Variants in SUSD1 observed in about 807,000 individuals in gnomAD.
The protein encoded by SUSD1 is sushi domain containing 1, also known as sushi domain-containing protein 1.
Under a neutral mutation model 86.9 loss-of-function variants are expected in SUSD1, and 65 were observed. The ratio of observed to expected loss-of-function variants is 0.75; its 90% confidence interval spans 0.61 to 0.92. The LOEUF (loss-of-function observed/expected upper bound fraction) is 0.92. Ranked by LOEUF, SUSD1 falls within the 40% of genes least tolerant of loss-of-function variation. The probability of loss-of-function intolerance (pLI) is 0.00; values close to 1 mark genes in which losing one functional copy is unlikely to be tolerated. For missense variants in SUSD1, 850 were observed against 929.7 expected (o/e 0.91, Z 1.11); for synonymous variants, 346 against 350.0 (o/e 0.99, Z 0.13).
At chr9:112,138,096 C>T (rs1026548538) in intron 5 of SUSD1, among the ~76,000 whole-genome samples, 53 of 149,092 alleles carry the variant, frequency 3.6e-4, no homozygotes, top group African/African-American at 1.3e-3. Context: ...TGGTGGCAGA[C>T]ACCTGTAATC....
At position 112,142,378 on chromosome 9, in the gene SUSD1, A is replaced by G; in HGVS notation, c.648T>C (p.Asp216=). 6.2e-7 allele frequency: 1 copy of G among 1,614,070 alleles called. No individual in the cohort carries two copies. Among genetic ancestry groups the G allele is most frequent in the East Asian group, 2.2e-5 (1 of 44,878 alleles). Residue 216 remains aspartate (D), a synonymous_variant, in exon 5 of 17, where the codon GAT becomes GAC. Coordinates refer to ENST00000374270, the MANE Select transcript of SUSD1 (RefSeq NM_022486.5). ...CCAGGCCTGTGCAGCTTGAAACTGT[A>G]TCTTCTGGAACACTGAAGAATCCTT... ...CREGFFSVPE[D]TVSSCTGLGT...
intron 12 of SUSD1, among the ~76,000 whole-genome samples, chr9:112,070,977 T>C (rs961656184): frequency 6.6e-6 from 1 of 152,002 alleles, no homozygotes; most frequent in Non-Finnish European, 1.5e-5. Flanking sequence ...TGGTTTTGTT[T>C]TGGTTTTGTT....
intron 6 of SUSD1, among the ~76,000 whole-genome samples, chr9:112,121,141 T>C (rs1322490538): frequency 6.6e-6 from 1 of 152,174 alleles, no homozygotes; most frequent in Non-Finnish European, 1.5e-5. Flanking sequence ...TTGCCCTTGC[T>C]CCTCTGTGCA....
At chr9:112,144,244 A>G (rs1014013171) in intron 3 of SUSD1, among the ~76,000 whole-genome samples, 16 of 150,730 alleles carry the variant, frequency 1.1e-4, no homozygotes, top group African/African-American at 3.7e-4. Flanking sequence ...GTCTCAAAGA[A>G]AAAAAAAAAG....
intron 6 of SUSD1, among the ~76,000 whole-genome samples, chr9:112,123,071 C>T (rs946969478): frequency 1.3e-5 from 2 of 152,272 alleles, no homozygotes; most frequent in South Asian, 4.1e-4. Context: ...CACTACTGAA[C>T]TGCACACTTA....
intron 12 of SUSD1, among the ~76,000 whole-genome samples, chr9:112,077,245 G>A (rs368459822): frequency 2.6e-5 from 4 of 152,242 alleles, no homozygotes; most frequent in Non-Finnish European, 5.9e-5. Context: ...CCTTACACAC[G>A]AGCAGGGACA....
chr9:112,141,719 G>T (rs1832573750), intron 5 of SUSD1, among the ~76,000 whole-genome samples: 3 of 140,396 alleles, frequency 2.1e-5, no homozygotes, highest in Non-Finnish European at 3.0e-5. Context: ...TATATTACAT[G>T]TAATGTATTA....
intron 10 of SUSD1, among the ~76,000 whole-genome samples, chr9:112,089,672 C>T (rs908385978): frequency 5.9e-5 from 9 of 151,874 alleles, no homozygotes; most frequent in South Asian, 2.1e-4. Context: ...ATTAGCTGGG[C>T]GTGGTGGTAC....
intron 5 of SUSD1, 148 bp downstream of exon 5, chr9:112,142,172 G>T: frequency 1.5e-6 from 1 of 646,168 alleles, no homozygotes; most frequent in Admixed American, 3.4e-5. Context: ...GAAAAATCAA[G>T]AAAATCACCT....
In SUSD1 at chr9:112,078,565, C is replaced by A; in HGVS notation, c.1726G>T (p.Val576Phe). 1 of 1,613,024 alleles carries A rather than the reference C, an allele frequency of 6.2e-7. No individual in the cohort carries two copies. The change falls in exon 12 of 17, where the codon GTC (valine) becomes TTC (phenylalanine). Residue 576 changes from valine (V) to phenylalanine (F), a missense_variant. Physicochemically the swap from Val to Phe is conservative, Grantham distance 50 (BLOSUM62 -1). Coordinates refer to ENST00000374270, the MANE Select transcript of SUSD1 (RefSeq NM_022486.5). The stretch of plus-strand genomic sequence containing the variant: ...GTTATCTGGGTTGTCAGGGAGATGA[C>A]CACAGGAAGTTCCGAAGACAGAGCC... ...LRALSSELPV[V>F]ISLTTQITEP...
chr9:112,118,355 A>G (rs969067947), intron 6 of SUSD1, among the ~76,000 whole-genome samples: 1 of 152,208 alleles, frequency 6.6e-6, no homozygotes, highest in African/African-American at 2.4e-5. Flanking sequence ...TGGCTATAAA[A>G]GTTTTCATGT....
Position 112,089,789 on chromosome 9 carries a change from G to A in SUSD1, c.1474+8681C>T, listed in dbSNP as rs1369588248. Among the ~76,000 whole-genome samples, 15 of 142,032 alleles carry A rather than the reference G, an allele frequency of 1.1e-4. No individual in the cohort carries two copies. The Admixed American group carries it at 1.1e-3, about 11-fold the overall frequency. The allele number at this position is 142,032 out of a possible 152,430, so 93.2% of individuals were successfully genotyped here. On this transcript the variant is annotated intron_variant, in intron 10 of 16. Coordinates refer to ENST00000374270, the MANE Select transcript of SUSD1 (RefSeq NM_022486.5). ...ATCGCGCCACTGCACTCCAGCCTGG[G>A]TGACAGAGCAAGATTCCATCTCAAA...
At chr9:112,144,628 C>G (rs1283703078) in intron 3 of SUSD1, among the ~76,000 whole-genome samples, 1 of 152,040 alleles carries the variant, frequency 6.6e-6, no homozygotes, top group African/African-American at 2.4e-5. Context: ...AAAATATAAA[C>G]AACATTTTTA....
chr9:112,124,627 A>G (rs1243571289), intron 5 of SUSD1, among the ~76,000 whole-genome samples, 191 bp from the exon 6 acceptor site: 1 of 152,250 alleles, frequency 6.6e-6, no homozygotes, highest in African/African-American at 2.4e-5. Flanking sequence ...ACACATAGAG[A>G]ATAGTCAAAC....
At chr9:112,078,384 G>A (rs149540495) in intron 12 of SUSD1, among the ~76,000 whole-genome samples, 154 bp downstream of exon 12, 69 of 152,264 alleles carry the variant, frequency 4.5e-4, no homozygotes, top group African/African-American at 1.6e-3. Context: ...TCACAGAGGC[G>A]CCTTAAGGCA....
At chr9:112,086,973 TTA>T (rs926846477) in intron 10 of SUSD1, among the ~76,000 whole-genome samples, 49 of 149,790 alleles carry the variant, frequency 3.3e-4, no homozygotes, top group African/African-American at 1.1e-3. Flanking sequence ...AGTTTGTATT[TTA>T]TATATATATA....
intron 15 of SUSD1, among the ~76,000 whole-genome samples, chr9:112,042,361 G>C (rs1047280024): frequency 5.9e-5 from 9 of 152,078 alleles, no homozygotes; most frequent in Non-Finnish European, 1.5e-5. Flanking sequence ...TTTGAATTTG[G>C]TTTCCAAAAC....
intron 5 of SUSD1, among the ~76,000 whole-genome samples, chr9:112,136,384 C>G (rs1832264605): frequency 6.6e-6 from 1 of 152,114 alleles, no homozygotes; most frequent in Non-Finnish European, 1.5e-5. Context: ...CAGGCGCGTG[C>G]CATCATGCCC....
chr9:112,131,648 A>AT (rs1312854620), intron 5 of SUSD1, among the ~76,000 whole-genome samples: 1 of 152,230 alleles, frequency 6.6e-6, no homozygotes, highest in Admixed American at 6.5e-5. Flanking sequence ...TATTTAATAC[A>AT]TAAAAAACCC....
Sources: gnomAD v4.1 joint callset for allele counts (sites outside exome capture counted in the v4.1 genomes callset) on GRCh38, gnomAD v4.1.1 for gene constraint, MANE v1.5 for transcripts, NCBI Gene and HGNC (gene_info 2026-07-23, HGNC 2026-07-21) for gene names.